ITSN2: variants seen among roughly 807,000 people sequenced by gnomAD.
The protein encoded by ITSN2 is intersectin-2.
ITSN2 carries 156 observed loss-of-function variants against 243.7 expected under a neutral mutation model. The ratio of observed to expected loss-of-function variants is 0.64; its 90% confidence interval spans 0.56 to 0.73. The LOEUF (loss-of-function observed/expected upper bound fraction) is 0.73. Among genes scored for constraint, ITSN2 ranks in the 30% least tolerant of loss-of-function variants. The pLI is 0.00. For missense variants in ITSN2, 1,801 were observed against 1,996.1 expected (o/e 0.90, Z 1.86); for synonymous variants, 703 against 699.9 (o/e 1.00, Z -0.07).
intron 26 of ITSN2, 39 bp from the exon 27 acceptor site, chr2:24,248,789 G>A (rs199573055): frequency 2.2e-4 from 351 of 1,613,028 alleles, no homozygotes; most frequent in Middle Eastern, 4.9e-4. Flanking sequence ...TCAAGATTGC[G>A]ACAGAGCAAA....
At chr2:24,230,599 C>G (rs1671485384) in intron 29 of ITSN2, among the ~76,000 whole-genome samples, 1 of 152,030 alleles carries the variant, frequency 6.6e-6, no homozygotes. Flanking sequence ...GGAACCCCGT[C>G]TCTACTAAAA....
intron 29 of ITSN2, among the ~76,000 whole-genome samples, chr2:24,222,203 G>C (rs1437656231): frequency 7.7e-6 from 1 of 129,190 alleles, no homozygotes; most frequent in Non-Finnish European, 1.5e-5. Context: ...AGTGAGCCGA[G>C]ATCGCACCAC....
chr2:24,299,685 G>T (rs1681476069), intron 12 of ITSN2, among the ~76,000 whole-genome samples: 1 of 152,152 alleles, frequency 6.6e-6, no homozygotes, highest in Non-Finnish European at 1.5e-5. Flanking sequence ...ACCTGCAGAG[G>T]ATGCTTTCTC....
intron 38 of ITSN2, 43 bp downstream of exon 38, chr2:24,205,171 G>T: frequency 1.3e-6 from 2 of 1,532,958 alleles, no homozygotes; most frequent in Non-Finnish European, 1.8e-6. Context: ...AAAAACTGGG[G>T]CAGGGCAGTT....
chr2:24,339,747 G>A (rs1018170839), intron 1 of ITSN2, among the ~76,000 whole-genome samples: 4 of 152,090 alleles, frequency 2.6e-5, no homozygotes, highest in Non-Finnish European at 2.9e-5. Context: ...AATAGGTCAG[G>A]TGTGGTTCAC....
rs559406831 is a variant in ITSN2 at position 24,238,658 on chromosome 2, TTA to T, written c.3577+7469_3577+7470del. ...AAAAACACAAGTCTATTACCCTAGA[TTA>T]TGTTTTCCTTACTTTTGTGAGCAAC... On this transcript the variant is annotated intron_variant, in intron 29 of 39. Coordinates refer to ENST00000355123, the MANE Select transcript of ITSN2 (RefSeq NM_006277.3). Among the ~76,000 whole-genome samples, 11 of 152,338 alleles carry T rather than the reference TTA, an allele frequency of 7.2e-5. No individual in the cohort carries two copies. The South Asian group carries it at 1.5e-3, about 20-fold the overall frequency.
At chr2:24,275,335 T>TCCCAA (rs1456123717) in intron 18 of ITSN2, among the ~76,000 whole-genome samples, 1 of 152,228 alleles carries the variant, frequency 6.6e-6, no homozygotes, top group African/African-American at 2.4e-5. Flanking sequence ...ACTACAGGCG[T>TCCCAA]GTGTCACCAC....
At position 24,225,336 on chromosome 2, in the gene ITSN2, C is replaced by T. The variant is rs1670922028; in HGVS notation, c.3578-4270G>A. On this transcript the variant is annotated intron_variant, in intron 29 of 39. Transcript: ENST00000355123. This position sits in a 1 kb window ranked among gnomAD's most constrained non-coding sequence, Gnocchi z 4.2. ...TGGCAAATGTCACTAGAGGGGTTTA[C>T]ACCCATGGCCAACTCTCGCTAGCTT... 6.6e-6 allele frequency among the ~76,000 whole-genome samples: 1 copy of T among 152,220 alleles called. No homozygotes were observed. The highest frequency in any genetic ancestry group is 2.4e-5 in the African/African-American group (1 of 41,468).
intron 5 of ITSN2, chr2:24,311,610 T>C (rs1250411375): frequency 6.0e-6 from 1 of 167,110 alleles, no homozygotes; most frequent in Admixed American, 6.5e-5. Context: ...ACATACCTAA[T>C]TGAATGTTCC....
intron 29 of ITSN2, among the ~76,000 whole-genome samples, chr2:24,223,171 G>C: frequency 6.6e-6 from 1 of 152,182 alleles, no homozygotes; most frequent in East Asian, 1.9e-4. Context: ...GCAGAGCGAA[G>C]GCGCACCCTG....
At chr2:24,248,497 A>G (rs983036512) in intron 27 of ITSN2, 132 bp downstream of exon 27, 20 of 640,728 alleles carry the variant, frequency 3.1e-5, no homozygotes, top group Middle Eastern at 4.5e-4. Flanking sequence ...TAATGCAGTA[A>G]AATATTGATA....
chr2:24,220,690 T>C lies in ITSN2; in HGVS notation c.3699+255A>G, dbSNP rs147737112. The C allele has an allele frequency of 1.7e-3, 2,235 of 1,303,054 alleles. 3 individuals carry two copies. Among genetic ancestry groups the C allele is most frequent in the Middle Eastern group, 3.4e-3 (12 of 3,556 alleles). The allele number at this position is 1,303,054 out of a possible 1,614,324, so 80.7% of individuals were successfully genotyped here. On this transcript the variant is annotated intron_variant, in intron 30 of 39. Coordinates refer to ENST00000355123, the MANE Select transcript of ITSN2 (RefSeq NM_006277.3). ...CCAACGAAGCCATGCGAATGCCCTC[T>C]TGTTCTCCCGCTTCACTCTGAGTGA...
chr2:24,224,836 G>T (rs1670867527), intron 29 of ITSN2, among the ~76,000 whole-genome samples: 1 of 152,150 alleles, frequency 6.6e-6, no homozygotes, highest in African/African-American at 2.4e-5. Context: ...CGCCATGTTG[G>T]CCAGGCTGGT....
chr2:24,295,370 G>C (rs146983785), intron 14 of ITSN2, among the ~76,000 whole-genome samples: 1 of 152,178 alleles, frequency 6.6e-6, no homozygotes, highest in Non-Finnish European at 1.5e-5. Context: ...ACAGTGGTGC[G>C]ATCTGGGTTC....
intron 1 of ITSN2, among the ~76,000 whole-genome samples, chr2:24,355,150 T>C (rs1313655608): frequency 1.3e-5 from 2 of 152,168 alleles, no homozygotes; most frequent in Non-Finnish European, 2.9e-5. Flanking sequence ...ATTCACACTT[T>C]ACCCAAGAGA....
At chr2:24,254,250 A>G (rs1674734558) in intron 24 of ITSN2, 117 bp downstream of exon 24, 2 of 708,568 alleles carry the variant, frequency 2.8e-6, no homozygotes, top group Non-Finnish European at 5.1e-6. Flanking sequence ...TTAATACTGC[A>G]GACACAGAAA....
chr2:24,217,734 A>C (rs933486090), intron 31 of ITSN2, among the ~76,000 whole-genome samples, 173 bp downstream of exon 31: 9 of 152,198 alleles, frequency 5.9e-5, no homozygotes, highest in African/African-American at 1.9e-4. Context: ...TTCAATACTT[A>C]TGTATTTTAC....
At chr2:24,222,826 C>T (rs1470139405) in intron 29 of ITSN2, among the ~76,000 whole-genome samples, 1 of 151,822 alleles carries the variant, frequency 6.6e-6, no homozygotes, top group Non-Finnish European at 1.5e-5. Flanking sequence ...CAGGCACACA[C>T]CACCACGCCC....
intron 14 of ITSN2, 105 bp downstream of exon 14, chr2:24,295,559 T>C: frequency 1.2e-6 from 1 of 846,822 alleles, no homozygotes; most frequent in Non-Finnish European, 1.7e-6. Flanking sequence ...TCCACCCGCC[T>C]CAGCCTCCCA....
Sources: gnomAD v4.1 joint callset for allele counts (sites outside exome capture counted in the v4.1 genomes callset) on GRCh38, gnomAD v4.1.1 for gene constraint, Gnocchi (gnomAD v3.1) non-coding constraint, MANE v1.5 for transcripts, NCBI Gene and HGNC (gene_info 2026-07-23, HGNC 2026-07-21) for gene names.